Variants in JMJD1C observed in about 807,000 individuals in gnomAD.
JMJD1C encodes the protein jumonji domain-containing protein 1C.
Under a neutral mutation model 245.3 loss-of-function variants are expected in JMJD1C, and 31 were observed. That is an observed-to-expected ratio of 0.13 (90% CI 0.09 to 0.17). The LOEUF is 0.17. JMJD1C is among the 10% of genes least tolerant of loss of function. JMJD1C has a pLI of 1.00. For missense variants in JMJD1C, 2,691 were observed against 3,000.2 expected (o/e 0.90, Z 2.41); for synonymous variants, 1,057 against 1,017.4 (o/e 1.04, Z -0.74).
chr10:63,291,930 G>A (rs1231395734), intron 2 of JMJD1C, among the ~76,000 whole-genome samples: 3 of 151,940 alleles, frequency 2.0e-5, no homozygotes, highest in South Asian at 2.1e-4. Context: ...AGAAATGTGT[G>A]TGTGCATGTC....
At chr10:63,395,891 A>C (rs1398712437) in intron 1 of JMJD1C, among the ~76,000 whole-genome samples, 2 of 152,196 alleles carry the variant, frequency 1.3e-5, no homozygotes, top group Non-Finnish European at 2.9e-5. Context: ...AGAAAAAGAC[A>C]AGAAAATCTA....
intron 1 of JMJD1C, among the ~76,000 whole-genome samples, chr10:63,454,287 T>C (rs1321938476): frequency 6.7e-6 from 1 of 149,260 alleles, no homozygotes; most frequent in East Asian, 2.0e-4. Flanking sequence ...TCAGACTGAG[T>C]CTCCCTCTGT....
chr10:63,332,893 C>T (rs551223770), intron 2 of JMJD1C, among the ~76,000 whole-genome samples: 2 of 152,220 alleles, frequency 1.3e-5, no homozygotes, highest in African/African-American at 2.4e-5. Flanking sequence ...GGCTTAGATT[C>T]ATTGTTTCTA....
intron 1 of JMJD1C, among the ~76,000 whole-genome samples, chr10:63,418,351 A>G (rs1427209266): frequency 2.0e-5 from 3 of 152,246 alleles, no homozygotes; most frequent in African/African-American, 7.2e-5. Flanking sequence ...TATCCTGCAT[A>G]CAGTTTTGAA....
intron 1 of JMJD1C, among the ~76,000 whole-genome samples, chr10:63,444,952 T>A (rs1951617750): frequency 6.6e-6 from 1 of 152,114 alleles, no homozygotes; most frequent in Non-Finnish European, 1.5e-5. Flanking sequence ...AAGGGCCAGA[T>A]GCAGTGGCTC....
At chr10:63,432,006 G>A (rs544363207) in intron 1 of JMJD1C, among the ~76,000 whole-genome samples, 1 of 152,244 alleles carries the variant, frequency 6.6e-6, no homozygotes, top group South Asian at 2.1e-4. Context: ...GCAAGACTCC[G>A]TCTGAAAAGA....
chr10:63,358,905 C>G (rs1358776867), intron 2 of JMJD1C: 1 of 155,512 alleles, frequency 6.4e-6, no homozygotes, highest in Non-Finnish European at 1.4e-5. Flanking sequence ...CTTGTGGACC[C>G]TCCGAAAATG....
chr10:63,246,726 G>A (rs562320236), intron 3 of JMJD1C, among the ~76,000 whole-genome samples: 2 of 152,122 alleles, frequency 1.3e-5, no homozygotes, highest in South Asian at 2.1e-4. Context: ...TCAAAAAAGC[G>A]AAAATCATAC....
intron 2 of JMJD1C, among the ~76,000 whole-genome samples, chr10:63,304,641 T>C (rs745782440): frequency 6.2e-4 from 95 of 152,228 alleles, no homozygotes; most frequent in Admixed American, 9.8e-4. Flanking sequence ...ATAATAATTA[T>C]GACAATAGTC....
intron 1 of JMJD1C, among the ~76,000 whole-genome samples, chr10:63,462,987 G>C (rs1241505435): frequency 1.3e-5 from 2 of 151,908 alleles, no homozygotes; most frequent in African/African-American, 4.8e-5. Context: ...CTACTTTGAA[G>C]TTCTTATCAT....
At position 63,208,091 on chromosome 10, in the gene JMJD1C, G is replaced by T. The variant is rs755766861; in HGVS notation, c.3578C>A (p.Ser1193Tyr). The T allele has an allele frequency of 8.1e-6, 13 of 1,614,130 alleles. No individual in the cohort carries two copies. In the East Asian group the frequency reaches 2.9e-4, roughly 36 times the overall value. The change falls in exon 10 of 26, where the codon TCT (serine) becomes TAT (tyrosine). Residue 1193 changes from serine (S) to tyrosine (Y), a missense_variant. Physicochemically the swap from Ser to Tyr is moderately radical, Grantham distance 144 (BLOSUM62 -2). This residue lies in a region of JMJD1C where 1,562 missense variants were observed against 1,490.7 expected (regional missense o/e 1.05). Transcript: ENST00000399262. The part of the protein sequence containing the change: ...CRSPTHLTVS[S>Y]TNTLRSMPAL... ...AGGCATACTGCGGAGTGTATTTGTA[G>T]AAGAAACTGTCAAATGGGTAGGACT... is the stretch of plus-strand genomic sequence containing the variant.
chr10:63,184,767 A>C, intron 20 of JMJD1C, 29 bp from the exon 21 acceptor site: 1 of 1,584,510 alleles, frequency 6.3e-7, no homozygotes. Flanking sequence ...GCCTTCTTAT[A>C]AATAAAGATT....
chr10:63,184,857 A>G, intron 20 of JMJD1C, 119 bp from the exon 21 acceptor site: 1 of 908,452 alleles, frequency 1.1e-6, no homozygotes, highest in Non-Finnish European at 1.6e-6. Flanking sequence ...ACAGGTAACA[A>G]TTTTCCTTGA....
At chr10:63,447,839 T>A (rs1951804637) in intron 1 of JMJD1C, among the ~76,000 whole-genome samples, 1 of 151,916 alleles carries the variant, frequency 6.6e-6, no homozygotes, top group Non-Finnish European at 1.5e-5. Flanking sequence ...CTTGGGAGGC[T>A]CAGGCAGGAG....
At chr10:63,177,921 GT>G in intron 22 of JMJD1C, 65 bp from the exon 23 acceptor site, 1 of 1,547,912 alleles carries the variant, frequency 6.5e-7, no homozygotes, top group Non-Finnish European at 8.8e-7. Flanking sequence ...GTCTCCTAAA[GT>G]TGATCTATCA....
intron 2 of JMJD1C, among the ~76,000 whole-genome samples, chr10:63,358,224 T>A (rs565201333): frequency 6.6e-6 from 1 of 152,130 alleles, no homozygotes; most frequent in Non-Finnish European, 1.5e-5. Context: ...TTTTCACAGA[T>A]TATAACCAAA....
At chr10:63,282,581 C>T (rs1857535212) in intron 2 of JMJD1C, among the ~76,000 whole-genome samples, 1 of 152,180 alleles carries the variant, frequency 6.6e-6, no homozygotes, top group Admixed American at 6.5e-5. Flanking sequence ...TTTAAAAGTT[C>T]TTCCCTTTCT....
chr10:63,459,302 A>T (rs968431575), intron 1 of JMJD1C, among the ~76,000 whole-genome samples: 10 of 152,232 alleles, frequency 6.6e-5, no homozygotes, highest in Non-Finnish European at 1.5e-4. Context: ...TCAGAATTGC[A>T]GATAAAGAAT....
At chr10:63,356,722 G>C (rs1302213320) in intron 2 of JMJD1C, among the ~76,000 whole-genome samples, 2 of 152,316 alleles carry the variant, frequency 1.3e-5, no homozygotes, top group East Asian at 1.9e-4. Context: ...AGGAAGCAAA[G>C]TGAGGCAGGG....
Sources: allele counts gnomAD v4.1 joint callset (sites outside exome capture counted in the v4.1 genomes callset), GRCh38; gene constraint gnomAD v4.1.1; regional missense constraint gnomAD v4.1.1; transcripts MANE v1.5; gene names NCBI Gene and HGNC (gene_info 2026-07-23, HGNC 2026-07-21).